Variants in NCMAP observed in about 807,000 individuals in gnomAD.
NCMAP encodes noncompact myelin-associated protein.
A neutral mutation model predicts 7.8 loss-of-function variants in NCMAP; 8 were observed. The ratio of observed to expected loss-of-function variants is 1.02; its 90% CI spans 0.60 to 1.84. The LOEUF is 1.84. NCMAP is among the 40% of genes most tolerant of loss of function. NCMAP has a pLI of 0.00. For missense variants in NCMAP, 112 were observed against 131.4 expected, an observed-to-expected ratio of 0.85 and a Z score of 0.72; for synonymous variants, 41 against 52.9, an observed-to-expected ratio of 0.78 and a Z score of 0.98.
In NCMAP at chr1:24,608,494, C is replaced by A. The variant is rs969480678; in HGVS notation, c.*2747C>A. The A allele has an allele frequency of 6.6e-6, 1 of 152,294 alleles. No individual in the cohort carries two copies. The highest frequency in any genetic ancestry group is 1.5e-5 in the Non-Finnish European group (1 of 68,088). 9.4% of individuals were successfully genotyped at this position (152,294 alleles called of 1,614,324 possible). A position where few individuals can be genotyped will look rare whatever the true frequency, so the allele number is the denominator to read the frequency against. ...GATTCCTGCTTCATTCAAGCTACTA[C>A]TTAGGCCCAAGGAGCAAGGGGTAGA... On this transcript the variant is annotated 3_prime_UTR_variant, in exon 4 of 4. Transcript: ENST00000374392.
At position 24,606,721 on chromosome 1, in the gene NCMAP, C is replaced by T. The variant is rs1018876389; in HGVS notation, c.*974C>T. On this transcript the variant is annotated 3_prime_UTR_variant, in exon 4 of 4. Coordinates refer to ENST00000374392, the MANE Select transcript of NCMAP (RefSeq NM_001010980.5). ...TCTATAGCAACCTCGTCTGTGACTC[C>T]TTAGCCTGGAGAACAATCTACCAAG... The T allele has an allele frequency of 1.1e-4, 17 of 152,216 alleles. No homozygotes were observed. The highest frequency in any genetic ancestry group is 4.1e-4 in the African/African-American group (17 of 41,452). 9.4% of individuals were successfully genotyped at this position (152,216 alleles called of 1,614,324 possible).
chr1:24,602,834 C>A (rs1239617544), intron 3 of NCMAP, among the ~76,000 whole-genome samples: 1 of 151,784 alleles, frequency 6.6e-6, no homozygotes, highest in African/African-American at 2.4e-5. Flanking sequence ...GCGGGCAGAT[C>A]ACGGGGTCAG....
At chr1:24,558,975 A>AC (rs1650977151) in intron 1 of NCMAP, among the ~76,000 whole-genome samples, 1 of 152,046 alleles carries the variant, frequency 6.6e-6, no homozygotes, top group African/African-American at 2.4e-5. Context: ...TAAAAAAAAA[A>AC]CCTCATGTAT....
intron 1 of NCMAP, among the ~76,000 whole-genome samples, chr1:24,592,297 T>C (rs1652070845): frequency 1.3e-5 from 2 of 152,118 alleles, no homozygotes; most frequent in Admixed American, 6.5e-5. Flanking sequence ...ATCAAACCTA[T>C]AGTCTGTCGT....
intron 3 of NCMAP, among the ~76,000 whole-genome samples, chr1:24,604,074 T>C (rs1261005681): frequency 2.6e-5 from 4 of 152,218 alleles, no homozygotes; most frequent in Non-Finnish European, 5.9e-5. Flanking sequence ...TAAGAAGTCC[T>C]TTTATAATTG....
chr1:24,575,671 C>A (rs1198675454), intron 1 of NCMAP, among the ~76,000 whole-genome samples: 1 of 152,068 alleles, frequency 6.6e-6, no homozygotes, highest in East Asian at 1.9e-4. Context: ...ACTGCCCGGG[C>A]GTGGTGGCTC....
At chr1:24,590,779 T>A (rs1474060365) in intron 1 of NCMAP, among the ~76,000 whole-genome samples, 4 of 152,128 alleles carry the variant, frequency 2.6e-5, no homozygotes, top group Non-Finnish European at 5.9e-5. Context: ...CTGGCTAATT[T>A]GTGCTTATTT....
intron 3 of NCMAP, among the ~76,000 whole-genome samples, chr1:24,605,225 T>C (rs1652681413): frequency 6.6e-6 from 1 of 152,184 alleles, no homozygotes; most frequent in African/African-American, 2.4e-5. Context: ...TTCAATTATG[T>C]AAAAAGTTCT....
intron 1 of NCMAP, among the ~76,000 whole-genome samples, chr1:24,564,986 G>A (rs1455303373): frequency 6.6e-6 from 1 of 152,032 alleles, no homozygotes; most frequent in African/African-American, 2.4e-5. Context: ...AGCCTCAGAA[G>A]GTGGAATACA....
intron 1 of NCMAP, among the ~76,000 whole-genome samples, chr1:24,564,398 T>A (rs1301237974): frequency 1.3e-5 from 2 of 150,104 alleles, no homozygotes; most frequent in Non-Finnish European, 3.0e-5. Context: ...TAATTCCAGC[T>A]ACTCGGGAGG....
At chr1:24,588,929 C>T (rs1288148499) in intron 1 of NCMAP, among the ~76,000 whole-genome samples, 1 of 152,148 alleles carries the variant, frequency 6.6e-6, no homozygotes, top group Non-Finnish European at 1.5e-5. Context: ...GATGCTGGGC[C>T]ACCTGTGCTT....
At chr1:24,584,059 C>A (rs1351480838) in intron 1 of NCMAP, among the ~76,000 whole-genome samples, 1 of 152,166 alleles carries the variant, frequency 6.6e-6, no homozygotes, top group Non-Finnish European at 1.5e-5. Context: ...TCCCTCCTGG[C>A]CTAGAATATC....
At chr1:24,575,402 C>T (rs1651525644) in intron 1 of NCMAP, among the ~76,000 whole-genome samples, 1 of 152,100 alleles carries the variant, frequency 6.6e-6, no homozygotes, top group South Asian at 2.1e-4. Context: ...TTCGTTCAGA[C>T]AGGTTTATTG....
intron 1 of NCMAP, among the ~76,000 whole-genome samples, chr1:24,561,872 C>T (rs2776751): frequency 0.63 from 95,601 of 150,842 alleles, 30,517 homozygotes; most frequent in East Asian, 0.75. Flanking sequence ...ATCATGCCAC[C>T]GCACTCTACT....
intron 1 of NCMAP, among the ~76,000 whole-genome samples, chr1:24,579,957 G>C (rs1337021762): frequency 6.6e-6 from 1 of 152,202 alleles, no homozygotes; most frequent in Non-Finnish European, 1.5e-5. Context: ...CTTTGGCAGA[G>C]CTGAGCTTCC....
At chr1:24,592,696 A>T (rs1652082352) in intron 1 of NCMAP, among the ~76,000 whole-genome samples, 1 of 152,160 alleles carries the variant, frequency 6.6e-6, no homozygotes, top group Admixed American at 6.5e-5. Context: ...AGGCAGGTGG[A>T]TCATGAGGTC....
At chr1:24,588,318 G>C (rs1357527654) in intron 1 of NCMAP, among the ~76,000 whole-genome samples, 1 of 152,168 alleles carries the variant, frequency 6.6e-6, no homozygotes, top group African/African-American at 2.4e-5. Context: ...TGAGCCACTT[G>C]TCTGTGGAGG....
chr1:24,567,730 C>T (rs66623923), intron 1 of NCMAP, among the ~76,000 whole-genome samples: 51,532 of 151,988 alleles, frequency 0.34, 9,066 homozygotes, highest in Admixed American at 0.41. Context: ...GTCCTGATCT[C>T]TGTCTCCACC....
intron 2 of NCMAP, among the ~76,000 whole-genome samples, chr1:24,597,258 C>A (rs1652260223): frequency 6.6e-6 from 1 of 151,952 alleles, no homozygotes; most frequent in Non-Finnish European, 1.5e-5. Context: ...GTAATCCCAG[C>A]ACTTTGGGAG....
Sources: gnomAD v4.1 joint callset for allele counts (sites outside exome capture counted in the v4.1 genomes callset) on GRCh38, gnomAD v4.1.1 for gene constraint, MANE v1.5 for transcripts, NCBI Gene and HGNC (gene_info 2026-07-23, HGNC 2026-07-21) for gene names.